BUB1B: variants seen among roughly 807,000 people sequenced by gnomAD.
The protein encoded by BUB1B is BUB1 mitotic checkpoint serine/threonine kinase B.
A neutral mutation model predicts 137.7 loss-of-function variants in BUB1B; 86 were observed. The observed-to-expected ratio is 0.62, with a 90% CI of 0.52 to 0.75. The LOEUF (loss-of-function observed/expected upper bound fraction) is 0.75. BUB1B is among the 30% of genes least tolerant of loss of function. BUB1B has a pLI of 0.00. For synonymous variants in BUB1B, 420 were observed against 417.9 expected (o/e 1.00, Z -0.06); for missense variants, 1,130 against 1,236.9 (o/e 0.91, Z 1.30).
chr15:40,162,524 G>C (rs1436179374), intron 1 of BUB1B, among the ~76,000 whole-genome samples: 1 of 152,208 alleles, frequency 6.6e-6, no homozygotes, highest in Non-Finnish European at 1.5e-5. Context: ...GCTCAAAAGT[G>C]AGTTGAGCCA....
chr15:40,163,705 G>C (rs2037063630), intron 1 of BUB1B, among the ~76,000 whole-genome samples: 1 of 152,154 alleles, frequency 6.6e-6, no homozygotes, highest in Non-Finnish European at 1.5e-5. Context: ...TCAATATTTA[G>C]TATTAAAAAT....
chr15:40,184,564 A>G (rs1038026909), intron 6 of BUB1B, among the ~76,000 whole-genome samples: 14 of 152,218 alleles, frequency 9.2e-5, no homozygotes, highest in Non-Finnish European at 1.5e-5. Context: ...AATTTATAGC[A>G]GTTAGACATG....
intron 4 of BUB1B, among the ~76,000 whole-genome samples, chr15:40,171,391 C>T (rs2037160936): frequency 6.6e-6 from 1 of 151,854 alleles, no homozygotes; most frequent in South Asian, 2.1e-4. Flanking sequence ...TCATAAAGTA[C>T]AGAAATTAAC....
At chr15:40,212,395 C>G (rs2037724518) in intron 18 of BUB1B, 104 bp from the exon 19 acceptor site, 1 of 881,510 alleles carries the variant, frequency 1.1e-6, no homozygotes, top group African/African-American at 1.7e-5. Context: ...AAAAATATCT[C>G]TTTATTATTT....
intron 14 of BUB1B, 50 bp from the exon 15 acceptor site, chr15:40,206,134 C>A (rs1244136086): frequency 6.3e-7 from 1 of 1,596,436 alleles, no homozygotes; most frequent in African/African-American, 1.3e-5. Flanking sequence ...TAAAAAAGTT[C>A]TTCATGTATT....
At chr15:40,165,227 G>T (rs373217314) in intron 2 of BUB1B, 31 bp downstream of exon 2, 1 of 1,613,788 alleles carries the variant, frequency 6.2e-7, no homozygotes, top group Admixed American at 1.7e-5. Flanking sequence ...TCAACCTGTC[G>T]TCATTCATCC....
Position 40,218,559 on chromosome 15 carries a change from CTGAG to C in BUB1B, c.2956_2957+2del. 6.2e-7 allele frequency: 1 copy of C among 1,602,140 alleles called. No individual in the cohort carries two copies. The highest frequency in any genetic ancestry group is 1.3e-5 in the African/African-American group (1 of 74,796). The stretch of plus-strand genomic sequence containing the variant: ...TTCTGGAAACTTAGCCAAAATATTT[CTGAG>C]TAAGTATTGATGAATGTCAGGGTCT... On this transcript the variant is annotated splice_donor_variant and coding_sequence_variant, in exon 22 of 23. Coordinates refer to ENST00000287598, the MANE Select transcript of BUB1B (RefSeq NM_001211.6). LOFTEE classifies it high-confidence loss of function.
Position 40,217,586 on chromosome 15 carries a change from T to C in BUB1B, c.2769T>C (p.Asp923=). Residue 923 remains aspartate (D), a synonymous_variant, in exon 21 of 23, where the codon GAT becomes GAC. Transcript: ENST00000287598. ...GTGTTGACCTTAGGGTGCAGCTGGA[T>C]GTTTTTACCCTCAGCGGCTTTCGGA... ...SYSVDLRVQL[D]VFTLSGFRTV... is the part of the protein sequence containing the mutation. 3 of 1,614,154 alleles carry C rather than the reference T, an allele frequency of 1.9e-6. No homozygotes were observed. The highest frequency in any genetic ancestry group is 2.5e-6 in the Non-Finnish European group (3 of 1,180,024).
intron 6 of BUB1B, among the ~76,000 whole-genome samples, chr15:40,184,643 C>T (rs1335224448): frequency 1.3e-5 from 2 of 151,912 alleles, no homozygotes; most frequent in Admixed American, 1.3e-4. Flanking sequence ...CAGAATGTTA[C>T]TTGGTGGTTC....
intron 15 of BUB1B, 97 bp downstream of exon 15, chr15:40,206,555 A>G: frequency 6.7e-7 from 1 of 1,483,320 alleles, no homozygotes; most frequent in South Asian, 1.2e-5. Flanking sequence ...AGTTCTTACT[A>G]ACTGCCAGGT....
intron 10 of BUB1B, chr15:40,199,997 C>G (rs1392980215): frequency 8.5e-6 from 5 of 587,102 alleles, no homozygotes; most frequent in Non-Finnish European, 1.5e-5. Flanking sequence ...GCTTTTTATT[C>G]TAGCTATGTT....
intron 19 of BUB1B, among the ~76,000 whole-genome samples, chr15:40,213,033 G>T (rs891988599): frequency 4.6e-5 from 7 of 152,080 alleles, no homozygotes; most frequent in Admixed American, 2.0e-4. Context: ...GGATTTTGAT[G>T]ATAATATGAA....
chr15:40,176,151 A>T (rs2037220921), intron 4 of BUB1B, among the ~76,000 whole-genome samples: 1 of 151,866 alleles, frequency 6.6e-6, no homozygotes, highest in Admixed American at 6.6e-5. Context: ...GGGTCTTGTT[A>T]TGTTGCCCAG....
At chr15:40,182,380 G>C (rs989109214) in intron 5 of BUB1B, among the ~76,000 whole-genome samples, 36 of 152,146 alleles carry the variant, frequency 2.4e-4, no homozygotes, top group African/African-American at 8.5e-4. Flanking sequence ...CTCTGATCCT[G>C]TTGGCCAATA....
chr15:40,206,590 A>T (rs1201681891), intron 15 of BUB1B, 132 bp downstream of exon 15: 4 of 1,104,808 alleles, frequency 3.6e-6, no homozygotes, highest in Non-Finnish European at 5.3e-6. Context: ...TTTACATGAG[A>T]GTAGGGCTGC....
At chr15:40,184,593 T>C (rs2037336539) in intron 6 of BUB1B, among the ~76,000 whole-genome samples, 1 of 152,226 alleles carries the variant, frequency 6.6e-6, no homozygotes, top group Non-Finnish European at 1.5e-5. Context: ...GCTGTTTTTT[T>C]AATCTCTTAT....
chr15:40,219,271 C>A (rs1344455140), intron 22 of BUB1B, among the ~76,000 whole-genome samples: 1 of 152,146 alleles, frequency 6.6e-6, no homozygotes, highest in East Asian at 1.9e-4. Flanking sequence ...AAAAGACTTA[C>A]ATTTCTAAAC....
intron 5 of BUB1B, among the ~76,000 whole-genome samples, chr15:40,178,068 T>C (rs1021359220): frequency 1.3e-5 from 2 of 151,844 alleles, no homozygotes; most frequent in Non-Finnish European, 2.9e-5. Context: ...AATGATTTTC[T>C]GTTCTTAATT....
chr15:40,216,177 A>G (rs1228201364), intron 20 of BUB1B, among the ~76,000 whole-genome samples: 1 of 152,084 alleles, frequency 6.6e-6, no homozygotes, highest in East Asian at 1.9e-4. Flanking sequence ...GGTGACTCAC[A>G]TCTGTAATCC....
Sources: gnomAD v4.1 joint callset for allele counts (sites outside exome capture counted in the v4.1 genomes callset) on GRCh38, gnomAD v4.1.1 for gene constraint, MANE v1.5 for transcripts, NCBI Gene and HGNC (gene_info 2026-07-23, HGNC 2026-07-21) for gene names.